FOXJ3: variants seen among roughly 807,000 people sequenced by gnomAD.
The protein encoded by FOXJ3 is forkhead box protein J3.
Under a neutral mutation model 76.1 loss-of-function variants are expected in FOXJ3, and 22 were observed. That is an observed-to-expected ratio of 0.29 (90% CI 0.21 to 0.41). The LOEUF (loss-of-function observed/expected upper bound fraction) is 0.41, where lower values mean the gene tolerates loss of function less well. Among genes scored for constraint, FOXJ3 ranks in the 10% least tolerant of loss-of-function variants. The pLI is 1.00. For synonymous variants in FOXJ3, 269 were observed against 261.2 expected (o/e 1.03, Z -0.29); for missense variants, 613 against 762.1 (o/e 0.80, Z 2.30).
intron 1 of FOXJ3, among the ~76,000 whole-genome samples, chr1:42,325,268 T>C (rs751410085): frequency 6.6e-6 from 1 of 152,212 alleles, no homozygotes; most frequent in South Asian, 2.1e-4. Flanking sequence ...ATTTTCAGTA[T>C]TTTGCAATCA....
intron 4 of FOXJ3, among the ~76,000 whole-genome samples, chr1:42,251,983 C>T (rs554592305): frequency 6.6e-6 from 1 of 152,130 alleles, no homozygotes; most frequent in East Asian, 1.9e-4. Context: ...TCCCAAAGTG[C>T]TGGGATTACA....
In FOXJ3 at chr1:42,255,908, G is replaced by A. The variant is rs533030397; in HGVS notation, c.444+9207C>T. 3.3e-5 allele frequency among the ~76,000 whole-genome samples: 5 copies of A among 152,322 alleles called. No homozygotes were observed. In the South Asian group the frequency reaches 1.0e-3, roughly 32 times the overall value. On this transcript the variant is annotated intron_variant, in intron 4 of 12. Transcript: ENST00000361346. ...ATGGTGGCACATGCCTGTAGTCCCA[G>A]CTACTCGGGAGGCTGAGGCAGAAGA...
chr1:42,210,992 C>T (rs1270879747), intron 5 of FOXJ3, among the ~76,000 whole-genome samples: 2 of 152,178 alleles, frequency 1.3e-5, no homozygotes, highest in Non-Finnish European at 2.9e-5. Flanking sequence ...AGAAGCCAGA[C>T]TGCAGGCCTC....
intron 4 of FOXJ3, among the ~76,000 whole-genome samples, chr1:42,237,508 T>C (rs1178709062): frequency 6.7e-6 from 1 of 149,134 alleles, no homozygotes; most frequent in African/African-American, 2.5e-5. Context: ...TTTCTGTTAT[T>C]AGACTTTTTA....
rs1646541153 is a variant in FOXJ3, at chr1:42,191,421, C to G, written c.1233G>C (p.Gln411His). The change falls in exon 9 of 13, where the codon CAG becomes CAC. Residue 411 changes from glutamine to histidine, a missense_variant. This residue lies in a region of FOXJ3 where 526 missense variants were observed against 601.4 expected (regional missense o/e 0.87). Transcript: ENST00000361346. ...APHPQQHSQLQSPHPQHPSPH... is the reference protein window; with the variant it reads ...APHPQQHSQLHSPHPQHPSPH... ...GAGAGGGATGCTGGGGGTGAGGGGA[C>G]TGGAGCTGGCTGTGTTGCTGTGGGT... 6.2e-7 allele frequency: 1 copy of G among 1,611,050 alleles called. No individual in the cohort carries two copies. The highest frequency in any genetic ancestry group is 1.3e-5 in the African/African-American group (1 of 74,810).
chr1:42,299,138 T>C (rs1653971234), intron 2 of FOXJ3, among the ~76,000 whole-genome samples: 1 of 152,206 alleles, frequency 6.6e-6, no homozygotes, highest in African/African-American at 2.4e-5. Flanking sequence ...ATTAGGTCCA[T>C]CTGGTCTACA....
chr1:42,311,713 C>T (rs1336620109), intron 1 of FOXJ3, among the ~76,000 whole-genome samples: 1 of 139,778 alleles, frequency 7.2e-6, no homozygotes, highest in African/African-American at 2.6e-5. Context: ...ACTTTGAATT[C>T]AAATTCTAGA....
rs72637928 is a variant in FOXJ3 at position 42,236,493 on chromosome 1, T to A, written c.445-8527A>T. On this transcript the variant is annotated intron_variant, in intron 4 of 12. Transcript: ENST00000361346. Reference sequence around the variant, plus strand: ...TACAGGCATGAGCCATCACACTCAATCTAGTTTTATTTTTAAAATCAACTT... The same window carrying A: ...TACAGGCATGAGCCATCACACTCAAACTAGTTTTATTTTTAAAATCAACTT... Among the ~76,000 whole-genome samples, 178 of 152,318 alleles carry A rather than the reference T, an allele frequency of 1.2e-3. 4 individuals carry two copies. In the East Asian group the frequency reaches 0.033, roughly 28 times the overall value.
Position 42,191,226 on chromosome 1 carries a change from C to T in FOXJ3, c.1351+77G>A, listed in dbSNP as rs539872785. On this transcript the variant is annotated intron_variant, in intron 9 of 12. Transcript: ENST00000361346. ...TGTAAAGAGGTTTTGGTAGTAAATA[C>T]TACATGAGCTCTAAATAACAAAGGA... 1.9e-5 allele frequency: 26 copies of T among 1,373,014 alleles called. No individual in the cohort carries two copies. In the South Asian group the frequency reaches 3.4e-4, roughly 18 times the overall value. 85.1% of individuals were successfully genotyped at this position (1,373,014 alleles called of 1,614,324 possible).
intron 4 of FOXJ3, among the ~76,000 whole-genome samples, chr1:42,246,927 A>T (rs1254560236): frequency 6.6e-6 from 1 of 152,316 alleles, no homozygotes; most frequent in East Asian, 1.9e-4. Context: ...CCAGGCACAG[A>T]AATACAAATA....
At chr1:42,210,130 A>G (rs1380940612) in intron 5 of FOXJ3, among the ~76,000 whole-genome samples, 1 of 152,152 alleles carries the variant, frequency 6.6e-6, no homozygotes, top group African/African-American at 2.4e-5. Context: ...GCCATTTGCT[A>G]CACCCGATGC....
rs1393693007 is a variant in FOXJ3, at chr1:42,179,057, T to G, written c.*653A>C. ...ATGATCCCCCAAGCATCAAAACCAATTTGGTCAGTTCTTCATGCTGCTCAG... is the reference window on the plus strand; with the variant it reads ...ATGATCCCCCAAGCATCAAAACCAAGTTGGTCAGTTCTTCATGCTGCTCAG... On this transcript the variant is annotated 3_prime_UTR_variant, in exon 13 of 13. Coordinates refer to ENST00000361346, the MANE Select transcript of FOXJ3 (RefSeq NM_014947.5). The G allele has an allele frequency of 6.6e-6, 1 of 152,550 alleles. No individual in the cohort carries two copies. Among genetic ancestry groups the G allele is most frequent in the Non-Finnish European group, 1.5e-5 (1 of 68,026 alleles). The allele number at this position is 152,550 out of a possible 1,614,324, so 9.4% of individuals were successfully genotyped here.
chr1:42,253,831 T>C (rs1650328630), intron 4 of FOXJ3, among the ~76,000 whole-genome samples: 1 of 152,210 alleles, frequency 6.6e-6, no homozygotes, highest in Non-Finnish European at 1.5e-5. Flanking sequence ...ATTAAAGACT[T>C]ATATGTTAGA....
At chr1:42,322,523 A>G (rs1107071) in intron 1 of FOXJ3, among the ~76,000 whole-genome samples, 112,085 of 151,816 alleles carry the variant, frequency 0.74, 41,526 homozygotes, top group Admixed American at 0.81. Context: ...GTAAAGGGGG[A>G]TTCTTCATAT....
At chr1:42,208,188 A>G (rs909667839) in intron 5 of FOXJ3, among the ~76,000 whole-genome samples, 3 of 152,244 alleles carry the variant, frequency 2.0e-5, no homozygotes, top group Admixed American at 6.5e-5. Flanking sequence ...TAGCATGGTA[A>G]CTGAAACACA....
intron 2 of FOXJ3, among the ~76,000 whole-genome samples, chr1:42,309,699 A>T (rs1654689812): frequency 1.3e-5 from 2 of 152,346 alleles, no homozygotes; most frequent in African/African-American, 4.8e-5. Context: ...GATATGGCTG[A>T]CTGCACAACC....
At chr1:42,313,570 C>T (rs1654934445) in intron 1 of FOXJ3, among the ~76,000 whole-genome samples, 1 of 152,146 alleles carries the variant, frequency 6.6e-6, no homozygotes, top group South Asian at 2.1e-4. Flanking sequence ...ACAGCAGAAA[C>T]ATCAGTTAGC....
chr1:42,324,398 T>C (rs1655705465), intron 1 of FOXJ3, among the ~76,000 whole-genome samples: 1 of 147,784 alleles, frequency 6.8e-6, no homozygotes, highest in Non-Finnish European at 1.5e-5. Context: ...AAATACTATA[T>C]ATACTATATA....
chr1:42,324,401 A>G (rs1305173004), intron 1 of FOXJ3, among the ~76,000 whole-genome samples: 1 of 147,942 alleles, frequency 6.8e-6, no homozygotes, highest in Non-Finnish European at 1.5e-5. Context: ...TACTATATAT[A>G]CTATATATAA....
Sources: allele counts gnomAD v4.1 joint callset (sites outside exome capture counted in the v4.1 genomes callset), GRCh38; gene constraint gnomAD v4.1.1; regional missense constraint gnomAD v4.1.1; transcripts MANE v1.5; gene names NCBI Gene and HGNC (gene_info 2026-07-23, HGNC 2026-07-21).